Variants in LOC400499 observed in about 807,000 individuals in gnomAD.
At chr16:11,522,082 G>A in the LOC400499 span, 1 of 398,320 alleles carries the variant, frequency 2.5e-6, no homozygotes, top group East Asian at 3.6e-5. Context: ...GGTGTATCTG[G>A]TGCCCACAGG....
At chr16:11,462,398 A>G in the LOC400499 span, 3 of 1,371,012 alleles carry the variant, frequency 2.2e-6, no homozygotes, top group Non-Finnish European at 2.8e-6. Context: ...AGGAGACAAC[A>G]TCGCTAACAA....
At chr16:11,431,018 C>T in the LOC400499 span, 148,557 of 398,840 alleles carry the variant, frequency 0.37, 31,959 homozygotes, top group Non-Finnish European at 0.45. Flanking sequence ...GCCCCCATGG[C>T]GTTCCCCAGG....
the LOC400499 span, chr16:11,461,233 C>T: frequency 7.7e-7 from 1 of 1,299,600 alleles, no homozygotes; most frequent in Non-Finnish European, 1.0e-6. Flanking sequence ...GTTGGGGGCT[C>T]CTTGAAGAGC....
chr16:11,471,673 GCAGCTTC>G, the LOC400499 span: 2 of 399,052 alleles, frequency 5.0e-6, no homozygotes, highest in Non-Finnish European at 8.8e-6. Context: ...CAGGGTATAG[GCAGCTTC>G]CAGCAGGTAC....
At chr16:11,453,041 CTTT>C in the LOC400499 span, among the ~76,000 whole-genome samples, 3 of 152,076 alleles carry the variant, frequency 2.0e-5, no homozygotes, top group Non-Finnish European at 2.9e-5. Flanking sequence ...TCCTGGGATC[CTTT>C]TTACGGCAGC....
chr16:11,461,071 C>G, the LOC400499 span: 2 of 1,536,068 alleles, frequency 1.3e-6, no homozygotes, highest in Admixed American at 2.0e-5. Flanking sequence ...CAGCTCGGCA[C>G]CCAGGGCGGC....
chr16:11,418,029 A>G, the LOC400499 span, among the ~76,000 whole-genome samples: 1 of 152,172 alleles, frequency 6.6e-6, no homozygotes, highest in African/African-American at 2.4e-5. Flanking sequence ...TTACACATGC[A>G]CCCAGGAGAC....
At chr16:11,416,526 C>A in the LOC400499 span, among the ~76,000 whole-genome samples, 5 of 152,182 alleles carry the variant, frequency 3.3e-5, no homozygotes, top group African/African-American at 1.2e-4. Context: ...CTACTATGCA[C>A]CCTACGGCGA....
the LOC400499 span, chr16:11,414,304 A>G: frequency 2.5e-6 from 1 of 399,318 alleles, no homozygotes; most frequent in Non-Finnish European, 4.4e-6. Flanking sequence ...CAGAGAGAAC[A>G]GAATGTGGAG....
the LOC400499 span, among the ~76,000 whole-genome samples, chr16:11,396,026 G>C: frequency 6.6e-6 from 1 of 152,224 alleles, no homozygotes; most frequent in Non-Finnish European, 1.5e-5. Flanking sequence ...GGAGGGGGAG[G>C]AGATGGTACC....
At chr16:11,492,920 C>T in the LOC400499 span, among the ~76,000 whole-genome samples, 1 of 152,120 alleles carries the variant, frequency 6.6e-6, no homozygotes. Flanking sequence ...GTGAAAGTGC[C>T]TTTTAAGCTA....
chr16:11,499,551 A>C, the LOC400499 span, among the ~76,000 whole-genome samples: 3 of 152,014 alleles, frequency 2.0e-5, no homozygotes, highest in Non-Finnish European at 4.4e-5. Context: ...CCAACAACAC[A>C]GTCTACCTGG....
chr16:11,472,045 G>A, the LOC400499 span: 11 of 383,662 alleles, frequency 2.9e-5, no homozygotes, highest in African/African-American at 2.1e-4. Flanking sequence ...GGGCTGTCCT[G>A]TGCATTATGG....
chr16:11,386,986 C>T, the LOC400499 span: 1 of 667,922 alleles, frequency 1.5e-6, no homozygotes, highest in Admixed American at 4.3e-5. Context: ...TCCCATAGGA[C>T]CTTGGGAAGT....
At chr16:11,483,738 G>T in the LOC400499 span, among the ~76,000 whole-genome samples, 1 of 150,896 alleles carries the variant, frequency 6.6e-6, no homozygotes, top group South Asian at 2.1e-4. Flanking sequence ...AGATAGGCAT[G>T]ATGGCACATG....
the LOC400499 span, among the ~76,000 whole-genome samples, chr16:11,492,784 C>CAAAA: frequency 7.1e-6 from 1 of 140,290 alleles, no homozygotes. Context: ...GACTCCGTCT[C>CAAAA]AAAAAAAAAA....
At chr16:11,406,198 G>C in the LOC400499 span, among the ~76,000 whole-genome samples, 1 of 152,066 alleles carries the variant, frequency 6.6e-6, no homozygotes, top group Non-Finnish European at 1.5e-5. Context: ...AGCCCTCAGT[G>C]TTTACTGTTT....
At chr16:11,501,848 G>A in the LOC400499 span, among the ~76,000 whole-genome samples, 3 of 152,160 alleles carry the variant, frequency 2.0e-5, no homozygotes, top group Non-Finnish European at 4.4e-5. Context: ...TTCAGCTTCT[G>A]GTCTCAGGCA....
chr16:11,390,007 T>C, the LOC400499 span: 1 of 756,380 alleles, frequency 1.3e-6, no homozygotes, highest in Non-Finnish European at 1.8e-6. Flanking sequence ...GGCAGGGTGG[T>C]CACAGGAGTC....
Sources: gnomAD v4.1 joint callset for allele counts (sites outside exome capture counted in the v4.1 genomes callset) on GRCh38, gnomAD v4.1.1 for gene constraint, MANE v1.5 for transcripts.